DGKI: variants seen among roughly 807,000 people sequenced by gnomAD.
The protein encoded by DGKI is DAG kinase iota.
A neutral mutation model predicts 147.5 loss-of-function variants in DGKI; 55 were observed. The observed-to-expected ratio is 0.37, with a 90% CI of 0.30 to 0.47. The LOEUF (loss-of-function observed/expected upper bound fraction) is 0.47. Ranked by LOEUF, DGKI falls within the 20% of genes least tolerant of loss-of-function variation. The pLI is 1.00. For missense variants in DGKI, 1,007 were observed against 1,323.8 expected, an observed-to-expected ratio of 0.76 and a Z score of 3.71; for synonymous variants, 469 against 477.1, an observed-to-expected ratio of 0.98 and a Z score of 0.22.
intron 28 of DGKI, among the ~76,000 whole-genome samples, chr7:137,425,774 C>T (rs1174754257): frequency 4.6e-5 from 7 of 152,010 alleles, no homozygotes; most frequent in East Asian, 1.9e-4. Flanking sequence ...GGAGCCGATG[C>T]GATCAACTGG....
At chr7:137,579,436 T>TAAAAAAAAAAAA (rs71533758) in intron 15 of DGKI, among the ~76,000 whole-genome samples, 1 of 108,180 alleles carries the variant, frequency 9.2e-6, no homozygotes, top group Non-Finnish European at 2.1e-5. Flanking sequence ...ACAGAAACAG[T>TAAAAAAAAAAAA]AAAAAAAAAA....
intron 21 of DGKI, among the ~76,000 whole-genome samples, chr7:137,517,315 GAAAGAA>G (rs1563063928): frequency 8.7e-4 from 86 of 99,378 alleles, no homozygotes; most frequent in African/African-American, 3.5e-3. Context: ...AAGAAAGAAA[GAAAGAA>G]AGAAAGAAAG....
At chr7:137,533,712 T>G (rs1348234562) in intron 20 of DGKI, among the ~76,000 whole-genome samples, 5 of 152,170 alleles carry the variant, frequency 3.3e-5, no homozygotes, top group African/African-American at 1.2e-4. Flanking sequence ...TAAATACAAC[T>G]ATAGGTCTTT....
chr7:137,699,309 G>A (rs924777780), intron 1 of DGKI, among the ~76,000 whole-genome samples: 1 of 152,288 alleles, frequency 6.6e-6, no homozygotes, highest in Non-Finnish European at 1.5e-5. Flanking sequence ...TTGAGAGGGG[G>A]CATAAACATA....
At chr7:137,729,885 G>T (rs1794821062) in intron 1 of DGKI, among the ~76,000 whole-genome samples, 1 of 152,020 alleles carries the variant, frequency 6.6e-6, no homozygotes, top group Admixed American at 6.6e-5. Context: ...ATCAGGGGTG[G>T]AAAAGAGGAT....
intron 28 of DGKI, among the ~76,000 whole-genome samples, chr7:137,429,098 A>G (rs919422447): frequency 5.4e-4 from 82 of 152,342 alleles, no homozygotes; most frequent in Non-Finnish European, 6.6e-4. Flanking sequence ...TCACCAAGTC[A>G]ATCCTAAGCC....
intron 2 of DGKI, among the ~76,000 whole-genome samples, chr7:137,687,037 T>C (rs151249885): frequency 2.0e-5 from 3 of 152,238 alleles, no homozygotes; most frequent in Admixed American, 6.5e-5. Context: ...AGAATCATAG[T>C]AGTAGACGCC....
At position 137,400,761 on chromosome 7, in the gene DGKI, A is replaced by T. The variant is rs570452581; in HGVS notation, c.2921-3348T>A. 3.3e-5 allele frequency among the ~76,000 whole-genome samples: 5 copies of T among 152,260 alleles called. No individual in the cohort carries two copies. The South Asian group carries it at 1.0e-3, about 32-fold the overall frequency. On this transcript the variant is annotated intron_variant, in intron 30 of 32. Transcript: ENST00000614521. ...CTCATAATTAATATCTAAAAAAAAA[A>T]TGCCCATTAAAAGGTTTGGGGAATG...
chr7:137,563,100 G>T (rs570301916), intron 19 of DGKI, among the ~76,000 whole-genome samples: 94 of 152,118 alleles, frequency 6.2e-4, no homozygotes, highest in African/African-American at 2.2e-3. Context: ...TGCAAGATCA[G>T]TATAAGATTT....
At chr7:137,796,357 G>A (rs1170250616) in intron 1 of DGKI, among the ~76,000 whole-genome samples, 1 of 152,102 alleles carries the variant, frequency 6.6e-6, no homozygotes, top group Non-Finnish European at 1.5e-5. Flanking sequence ...AAAATTAGCT[G>A]GGCATGGTGG....
At chr7:137,625,288 C>A (rs1190205466) in intron 6 of DGKI, among the ~76,000 whole-genome samples, 1 of 151,594 alleles carries the variant, frequency 6.6e-6, no homozygotes, top group Non-Finnish European at 1.5e-5. Context: ...GGGGAAACCC[C>A]GTCTGTACTA....
chr7:137,606,213 G>A (rs1820179645), intron 10 of DGKI, among the ~76,000 whole-genome samples: 1 of 151,770 alleles, frequency 6.6e-6, no homozygotes, highest in South Asian at 2.1e-4. Flanking sequence ...TCTTACACAA[G>A]TAAAATATTA....
chr7:137,519,574 C>T (rs116059688), intron 21 of DGKI, among the ~76,000 whole-genome samples: 1 of 151,974 alleles, frequency 6.6e-6, no homozygotes, highest in South Asian at 2.1e-4. Context: ...ATGTGTTGTG[C>T]AAATTTCACT....
intron 12 of DGKI, among the ~76,000 whole-genome samples, chr7:137,595,875 G>A (rs959836302): frequency 6.6e-6 from 1 of 151,606 alleles, no homozygotes; most frequent in African/African-American, 2.4e-5. Flanking sequence ...GGTGGCACGT[G>A]CCTGTAGTCC....
At chr7:137,436,223 C>A (rs769612927) in intron 28 of DGKI, among the ~76,000 whole-genome samples, 1 of 152,030 alleles carries the variant, frequency 6.6e-6, no homozygotes, top group Non-Finnish European at 1.5e-5. Flanking sequence ...AGATTGGAAC[C>A]CTATTTTCTT....
At chr7:137,451,610 G>A (rs1263445995) in intron 27 of DGKI, among the ~76,000 whole-genome samples, 3 of 152,148 alleles carry the variant, frequency 2.0e-5, no homozygotes, top group Non-Finnish European at 4.4e-5. Flanking sequence ...ATAAAGTATT[G>A]CACCTCTTAT....
intron 29 of DGKI, among the ~76,000 whole-genome samples, chr7:137,411,757 T>C (rs529389389): frequency 1.3e-5 from 2 of 152,290 alleles, no homozygotes; most frequent in African/African-American, 2.4e-5. Context: ...AGAGTCCTTG[T>C]TTGACTAACT....
At chr7:137,450,977 A>C (rs566711345) in intron 27 of DGKI, among the ~76,000 whole-genome samples, 1 of 152,208 alleles carries the variant, frequency 6.6e-6, no homozygotes, top group African/African-American at 2.4e-5. Context: ...CTCTTGGAAA[A>C]CAAAATGCTA....
chr7:137,428,837 A>C (rs1224056072), intron 28 of DGKI, among the ~76,000 whole-genome samples: 1 of 152,120 alleles, frequency 6.6e-6, no homozygotes, highest in Non-Finnish European at 1.5e-5. Flanking sequence ...TAGGAATCCA[A>C]CTTACAAGGG....
Sources: gnomAD v4.1 joint callset for allele counts (sites outside exome capture counted in the v4.1 genomes callset) on GRCh38, gnomAD v4.1.1 for gene constraint, MANE v1.5 for transcripts, NCBI Gene and HGNC (gene_info 2026-07-23, HGNC 2026-07-21) for gene names.